The following SLC7A14 variants were observed in gnomAD, a reference collection of about 807,000 sequenced individuals.
The protein encoded by SLC7A14 is gamma-aminobutyric acid transporter SLC7A14.
Under a neutral mutation model 60.2 loss-of-function variants are expected in SLC7A14, and 37 were observed. The ratio of observed to expected loss-of-function variants is 0.61; its 90% CI spans 0.47 to 0.81. SLC7A14 has a LOEUF of 0.81. SLC7A14 is among the 30% of genes least tolerant of loss of function. The pLI, the probability that SLC7A14 is intolerant of heterozygous loss-of-function variation, is 0.00. For synonymous variants in SLC7A14, 399 were observed against 395.8 expected, an observed-to-expected ratio of 1.01 and a Z score of -0.10; for missense variants, 886 against 982.7, an observed-to-expected ratio of 0.90 and a Z score of 1.32.
rs1739672026 is a variant in SLC7A14 at position 170,464,398 on chromosome 3, T to G, written c.*2657A>C. On this transcript the variant is annotated 3_prime_UTR_variant, in exon 8 of 8. Transcript: ENST00000231706. ...CTTTTAATGTGATCCCACACATACA[T>G]CGTTTAGAAACCTGTTAAGAAAATA... The G allele has an allele frequency of 6.6e-6, 1 of 152,248 alleles. No individual in the cohort carries two copies. The highest frequency in any genetic ancestry group is 2.4e-5 in the African/African-American group (1 of 41,468). 9.4% of individuals were successfully genotyped at this position (152,248 alleles called of 1,614,324 possible). A position where few individuals can be genotyped will look rare whatever the true frequency, so the allele number is the denominator to read the frequency against.
intron 3 of SLC7A14, among the ~76,000 whole-genome samples, chr3:170,499,236 C>CAAAAAA (rs11336080): frequency 0.017 from 1,012 of 59,906 alleles, 79 homozygotes; most frequent in African/African-American, 0.035. Flanking sequence ...GACTCTGTCT[C>CAAAAAA]AAAAAAAAAA....
chr3:170,574,408 T>A (rs888448346), intron 1 of SLC7A14, among the ~76,000 whole-genome samples: 2 of 152,222 alleles, frequency 1.3e-5, no homozygotes, highest in African/African-American at 4.8e-5. Flanking sequence ...TAAATCCATC[T>A]AATTGCCCAA....
At chr3:170,470,341 T>G (rs867812411) in intron 7 of SLC7A14, among the ~76,000 whole-genome samples, 1 of 150,704 alleles carries the variant, frequency 6.6e-6, no homozygotes, top group African/African-American at 2.5e-5. Flanking sequence ...TGTGTGTGTA[T>G]GTGTGTGTGT....
intron 1 of SLC7A14, among the ~76,000 whole-genome samples, chr3:170,556,891 T>C (rs1223392604): frequency 6.6e-6 from 1 of 152,234 alleles, no homozygotes; most frequent in African/African-American, 2.4e-5. Context: ...CACTGAAATA[T>C]GGCCTACCAG....
intron 1 of SLC7A14, among the ~76,000 whole-genome samples, chr3:170,560,748 T>C (rs2108309864): frequency 6.6e-6 from 1 of 152,336 alleles, no homozygotes; most frequent in South Asian, 2.1e-4. Context: ...AAGAAAATCC[T>C]GAGCATAGTT....
intron 7 of SLC7A14, among the ~76,000 whole-genome samples, chr3:170,468,555 C>A (rs190617485): frequency 1.3e-5 from 2 of 152,310 alleles, no homozygotes; most frequent in African/African-American, 4.8e-5. Flanking sequence ...TTCCACTTCC[C>A]AATGTGTTGG....
chr3:170,466,100 A>G lies in SLC7A14; in HGVS notation c.*955T>C, dbSNP rs1739712030. ...AGTGGTTGCCTATCTCAAAAACTTT[A>G]GAATTTATAATTTTAGAAATATGAA... is the stretch of plus-strand genomic sequence containing the variant. On this transcript the variant is annotated 3_prime_UTR_variant, in exon 8 of 8. Transcript: ENST00000231706. 1.3e-5 allele frequency: 2 copies of G among 152,246 alleles called. No individual in the cohort carries two copies. The highest frequency in any genetic ancestry group is 3.8e-4 in the East Asian group (2 of 5,200). The allele number at this position is 152,246 out of a possible 1,614,324, so 9.4% of individuals were successfully genotyped here.
At chr3:170,492,570 G>A (rs1490533198) in intron 4 of SLC7A14, among the ~76,000 whole-genome samples, 1 of 152,196 alleles carries the variant, frequency 6.6e-6, no homozygotes, top group Non-Finnish European at 1.5e-5. Context: ...TCAACCTGGT[G>A]TAAAAACTCA....
At chr3:170,504,576 C>T (rs1017298882) in intron 2 of SLC7A14, among the ~76,000 whole-genome samples, 6 of 152,260 alleles carry the variant, frequency 3.9e-5, no homozygotes, top group African/African-American at 1.2e-4. Context: ...CTGCTTCAGC[C>T]TTCCAAAGTA....
intron 4 of SLC7A14, among the ~76,000 whole-genome samples, chr3:170,490,973 G>T (rs1413192762): frequency 6.6e-6 from 1 of 152,026 alleles, no homozygotes; most frequent in Non-Finnish European, 1.5e-5. Flanking sequence ...ACACCCAAGG[G>T]CACAAACTCC....
At position 170,567,105 on chromosome 3, in the gene SLC7A14, C is replaced by T. The variant is rs556214942; in HGVS notation, c.-153+18806G>A. On this transcript the variant is annotated intron_variant, in intron 1 of 7. Coordinates refer to ENST00000231706, the MANE Select transcript of SLC7A14 (RefSeq NM_020949.3). ...CATGTGCCATGCTGGTGTGCTGCAC[C>T]CATTAACTCATCATTTAGCATTAGG... Among the ~76,000 whole-genome samples, 112 of 148,424 alleles carry T rather than the reference C, an allele frequency of 7.5e-4. 1 individual carries two copies. Among genetic ancestry groups the T allele is most frequent in the African/African-American group, 2.5e-3 (100 of 40,392 alleles).
rs765634877 is a variant in SLC7A14, at chr3:170,585,499, C to T, written c.-153+412G>A. 2.6e-5 allele frequency among the ~76,000 whole-genome samples: 4 copies of T among 152,214 alleles called. No homozygotes were observed. The highest frequency in any genetic ancestry group is 5.9e-5 in the Non-Finnish European group (4 of 68,030). The stretch of plus-strand genomic sequence containing the variant: ...AACGGAGCTGCCCGTGCGGGGTGCG[C>T]GCCAAGGCGGGGGACAGGACGGGCC... On this transcript the variant is annotated intron_variant, in intron 1 of 7. Coordinates refer to ENST00000231706, the MANE Select transcript of SLC7A14 (RefSeq NM_020949.3). This position sits in a 1 kb window ranked among gnomAD's most constrained non-coding sequence, Gnocchi z 5.1.
At chr3:170,568,233 C>T (rs2108313717) in intron 1 of SLC7A14, among the ~76,000 whole-genome samples, 2 of 152,254 alleles carry the variant, frequency 1.3e-5, no homozygotes, top group Non-Finnish European at 2.9e-5. Flanking sequence ...ATATGGCTAG[C>T]CAGTTTTCCC....
intron 4 of SLC7A14, among the ~76,000 whole-genome samples, chr3:170,493,870 GT>G (rs1560257023): frequency 6.6e-6 from 1 of 152,190 alleles, no homozygotes; most frequent in African/African-American, 2.4e-5. Flanking sequence ...ACACTGGGCT[GT>G]CCTTTGTTCT....
intron 1 of SLC7A14, among the ~76,000 whole-genome samples, chr3:170,553,371 T>C (rs1714401140): frequency 6.6e-6 from 1 of 152,214 alleles, no homozygotes; most frequent in South Asian, 2.1e-4. Context: ...TTACCATTTG[T>C]TTATATACTA....
chr3:170,521,480 A>AT (rs1400432359), intron 2 of SLC7A14, among the ~76,000 whole-genome samples: 3 of 152,240 alleles, frequency 2.0e-5, no homozygotes, highest in Admixed American at 6.5e-5. Flanking sequence ...GGGCATCAGT[A>AT]TTTTTAAAAA....
chr3:170,489,224 A>G (rs1712136579), intron 4 of SLC7A14, among the ~76,000 whole-genome samples: 1 of 152,258 alleles, frequency 6.6e-6, no homozygotes, highest in South Asian at 2.1e-4. Context: ...CAAGGGATTA[A>G]TAACCAGAAT....
At chr3:170,472,442 G>A (rs1739940698) in intron 7 of SLC7A14, among the ~76,000 whole-genome samples, 1 of 150,656 alleles carries the variant, frequency 6.6e-6, no homozygotes, top group Non-Finnish European at 1.5e-5. Context: ...GCCTGTCCTG[G>A]TCAAAGGTAA....
chr3:170,490,021 C>T (rs1712165606), intron 4 of SLC7A14, among the ~76,000 whole-genome samples: 1 of 151,954 alleles, frequency 6.6e-6, no homozygotes, highest in Non-Finnish European at 1.5e-5. Flanking sequence ...TGAGTAAGAC[C>T]TACTATTAGA....
Sources: gnomAD v4.1 joint callset for allele counts (sites outside exome capture counted in the v4.1 genomes callset) on GRCh38, gnomAD v4.1.1 for gene constraint, Gnocchi (gnomAD v3.1) non-coding constraint, MANE v1.5 for transcripts, NCBI Gene and HGNC (gene_info 2026-07-23, HGNC 2026-07-21) for gene names.